The following CNTNAP4 variants were observed in gnomAD, a reference collection of about 807,000 sequenced individuals.
The protein encoded by CNTNAP4 is contactin associated protein family member 4.
In CNTNAP4, 98 loss-of-function variants were observed where a neutral mutation model predicts 148.4. The observed-to-expected ratio is 0.66, with a 90% CI of 0.56 to 0.78. The LOEUF is 0.78. CNTNAP4 is among the 30% of genes least tolerant of loss of function. The pLI is 0.00. For missense variants in CNTNAP4, 1,935 were observed against 1,565.6 expected (o/e 1.24, Z -3.98); for synonymous variants, 730 against 565.1 (o/e 1.29, Z -4.14).
chr16:76,432,540 G>T (rs1163069869), intron 4 of CNTNAP4: 1 of 151,944 alleles, frequency 6.6e-6, no homozygotes, highest in Non-Finnish European at 1.5e-5. Context: ...AATTACTGGT[G>T]GGAGAAAGAA....
intron 9 of CNTNAP4, among the ~76,000 whole-genome samples, chr16:76,466,723 T>G (rs750767875): frequency 7.9e-5 from 12 of 152,050 alleles, no homozygotes; most frequent in Non-Finnish European, 1.6e-4. Context: ...TCAATATAGA[T>G]GAAACATCCT....
rs553025560 is a variant in CNTNAP4 at position 76,369,895 on chromosome 16, G to A, written c.390+14384G>A. 9.2e-5 allele frequency among the ~76,000 whole-genome samples: 14 copies of A among 152,126 alleles called. No homozygotes were observed. The South Asian group carries it at 2.1e-3, about 23-fold the overall frequency. On this transcript the variant is annotated intron_variant, in intron 3 of 23. Transcript: ENST00000611870. The stretch of plus-strand genomic sequence containing the variant: ...AGAGAGGATTTGCCCTTTCTCCTCC[G>A]TTTTGTTCTATTTTAGCCTTCAATG...
intron 3 of CNTNAP4, among the ~76,000 whole-genome samples, chr16:76,402,506 C>T (rs2144850687): frequency 6.6e-6 from 1 of 152,104 alleles, no homozygotes; most frequent in Admixed American, 6.5e-5. Flanking sequence ...AAAAAACAAC[C>T]TCCTGAATTT....
At position 76,324,449 on chromosome 16, in the gene CNTNAP4, A is replaced by G. The variant is rs187892392; in HGVS notation, c.196+7926A>G. Among the ~76,000 whole-genome samples, 13 of 152,302 alleles carry G rather than the reference A, an allele frequency of 8.5e-5. No individual in the cohort carries two copies. The East Asian group carries it at 2.5e-3, about 29-fold the overall frequency. On this transcript the variant is annotated intron_variant, in intron 2 of 23. Transcript: ENST00000611870. Reference sequence around the variant, plus strand: ...GCACACCTGGAGCAATGTCTGAGGTACAAGTGATTTATGAGGGCATAGCTG... The same window carrying G: ...GCACACCTGGAGCAATGTCTGAGGTGCAAGTGATTTATGAGGGCATAGCTG...
At position 76,290,735 on chromosome 16, in the gene CNTNAP4, T is replaced by C. The variant is rs1362877229; in HGVS notation, c.85+12988T>C. Among the ~76,000 whole-genome samples the C allele has an allele frequency of 2.0e-5, 3 of 152,202 alleles. No individual in the cohort carries two copies. In the East Asian group the frequency reaches 5.8e-4, roughly 29 times the overall value. ...CCATAAAAGCTTCACTCCTTCCCGA[T>C]GTTCAGAGACATATTCCCTTTGGTG... On this transcript the variant is annotated intron_variant, in intron 1 of 23. Coordinates refer to ENST00000611870, the MANE Select transcript of CNTNAP4 (RefSeq NM_033401.5).
intron 3 of CNTNAP4, among the ~76,000 whole-genome samples, chr16:76,399,254 T>C (rs2078319668): frequency 1.3e-5 from 2 of 152,166 alleles, no homozygotes; most frequent in African/African-American, 4.8e-5. Context: ...TCTTGGATAA[T>C]TCACTTCTTT....
intron 8 of CNTNAP4, among the ~76,000 whole-genome samples, chr16:76,460,776 AT>A (rs1568265956): frequency 0.14 from 9,540 of 66,760 alleles, 1,488 homozygotes; most frequent in East Asian, 0.23. Flanking sequence ...AAAAAAAAAT[AT>A]ATATATATAT....
intron 2 of CNTNAP4, among the ~76,000 whole-genome samples, chr16:76,335,781 C>T (rs1963969620): frequency 6.6e-6 from 1 of 152,150 alleles, no homozygotes; most frequent in Non-Finnish European, 1.5e-5. Context: ...GTGAGGAGAA[C>T]TAAAAGCTGC....
chr16:76,408,351 CTTAACAATTAACAGTTGTTAATCTA>C (rs59402374), intron 3 of CNTNAP4, among the ~76,000 whole-genome samples: 5,076 of 148,328 alleles, frequency 0.034, 259 homozygotes, highest in African/African-American at 0.12. Flanking sequence ...TAAGCTATTG[CTTAACAATTAACAGTTGTTAATCTA>C]TTAACAATTA....
intron 1 of CNTNAP4, among the ~76,000 whole-genome samples, chr16:76,298,819 C>G (rs1327842389): frequency 1.3e-5 from 2 of 152,012 alleles, no homozygotes; most frequent in Admixed American, 1.3e-4. Context: ...TGGAGCCAAA[C>G]AATATGTGGG....
At chr16:76,372,861 T>C (rs1338408153) in intron 3 of CNTNAP4, among the ~76,000 whole-genome samples, 1 of 152,246 alleles carries the variant, frequency 6.6e-6, no homozygotes, top group Non-Finnish European at 1.5e-5. Context: ...CTATGTATAT[T>C]ATCTTTATTG....
chr16:76,522,610 T>TTTCC (rs764499941), intron 17 of CNTNAP4, among the ~76,000 whole-genome samples: 1,816 of 59,652 alleles, frequency 0.03, 267 homozygotes, highest in Non-Finnish European at 0.049. Flanking sequence ...CTTTTCTTTA[T>TTTCC]TTCCTTCCTT....
chr16:76,426,581 T>C (rs140921307), intron 3 of CNTNAP4, among the ~76,000 whole-genome samples: 130 of 152,272 alleles, frequency 8.5e-4, no homozygotes, highest in African/African-American at 2.9e-3. Flanking sequence ...AAAACAAAAG[T>C]TGCATAAATG....
At chr16:76,494,294 T>C (rs2082326810) in intron 13 of CNTNAP4, among the ~76,000 whole-genome samples, 1 of 152,160 alleles carries the variant, frequency 6.6e-6, no homozygotes. Context: ...GCTTCCAGCA[T>C]GAAGATTTTT....
intron 1 of CNTNAP4, among the ~76,000 whole-genome samples, chr16:76,312,039 G>C (rs1961178714): frequency 6.6e-6 from 1 of 152,180 alleles, no homozygotes; most frequent in East Asian, 1.9e-4. Flanking sequence ...CTGTAAATTA[G>C]AGCTAATAAT....
chr16:76,355,490 T>C lies in CNTNAP4; in HGVS notation c.369T>C (p.Tyr123=). The part of the protein sequence containing the change: ...FSDSGWNWKQ[Y]RQEDSIWGFS... ...ATAGTGGCTGGAACTGGAAACAATA[T>C]CGCCAAGAGGACAGCATCTGGGTAT... The change falls in exon 3 of 24, where the codon TAT becomes TAC. Residue 123 remains tyrosine (Y), a synonymous_variant. Coordinates refer to ENST00000611870, the MANE Select transcript of CNTNAP4 (RefSeq NM_033401.5). 1 of 1,609,668 alleles carries C rather than the reference T, an allele frequency of 6.2e-7. No individual in the cohort carries two copies. Among genetic ancestry groups the C allele is most frequent in the Non-Finnish European group, 8.5e-7 (1 of 1,178,004 alleles).
intron 4 of CNTNAP4, among the ~76,000 whole-genome samples, chr16:76,441,231 T>A (rs76658821): frequency 6.6e-6 from 1 of 152,138 alleles, no homozygotes; most frequent in East Asian, 1.9e-4. Context: ...AAGTGTTCTT[T>A]GTTTTTATGC....
chr16:76,556,795 C>A (rs1381746415), intron 23 of CNTNAP4, among the ~76,000 whole-genome samples: 1 of 152,088 alleles, frequency 6.6e-6, no homozygotes, highest in African/African-American at 2.4e-5. Context: ...ATTTCATGTA[C>A]AGAATTTGGT....
intron 4 of CNTNAP4, among the ~76,000 whole-genome samples, chr16:76,433,708 T>C (rs1506821): frequency 0.34 from 52,263 of 152,002 alleles, 10,935 homozygotes; most frequent in Non-Finnish European, 0.45. Context: ...TGAAAAGCAA[T>C]AAATTGGTTA....
Sources: allele counts gnomAD v4.1 joint callset (sites outside exome capture counted in the v4.1 genomes callset), GRCh38; gene constraint gnomAD v4.1.1; transcripts MANE v1.5; gene names NCBI Gene and HGNC (gene_info 2026-07-23, HGNC 2026-07-21).